The following FHIP1A variants were observed in gnomAD, a reference collection of about 807,000 sequenced individuals.
FHIP1A encodes FHF complex subunit HOOK interacting protein 1A.
Under a neutral mutation model 88.6 loss-of-function variants are expected in FHIP1A, and 61 were observed. The observed-to-expected ratio is 0.69, with a 90% CI of 0.56 to 0.85. FHIP1A has a LOEUF of 0.85. Ranked by LOEUF, FHIP1A falls within the 40% of genes least tolerant of loss-of-function variation. The pLI is 0.00. For synonymous variants in FHIP1A, 478 were observed against 496.0 expected, an observed-to-expected ratio of 0.96 and a Z score of 0.48; for missense variants, 1,154 against 1,273.5, an observed-to-expected ratio of 0.91 and a Z score of 1.43.
intron 3 of FHIP1A, among the ~76,000 whole-genome samples, chr4:151,509,626 C>G (rs953535253): frequency 6.6e-6 from 1 of 152,050 alleles, no homozygotes; most frequent in Non-Finnish European, 1.5e-5. Context: ...AAATAGTGGT[C>G]GGGGCAGGGA....
rs775680053 is a variant in FHIP1A at position 151,454,769 on chromosome 4, C to T, written c.-287C>T. 6.6e-6 allele frequency: 1 copy of T among 150,952 alleles called. No homozygotes were observed. The highest frequency in any genetic ancestry group is 1.5e-5 in the Non-Finnish European group (1 of 67,890). The allele number at this position is 150,952 out of a possible 1,614,324, so 9.4% of individuals were successfully genotyped here. A position where few individuals can be genotyped will look rare whatever the true frequency, so the allele number is the denominator to read the frequency against. ...ACTCAATGTTTGACTATGAATGTTTCGTTATAACTGCCTGGAAGGTTAGCG... is the reference window on the plus strand; with the variant it reads ...ACTCAATGTTTGACTATGAATGTTTTGTTATAACTGCCTGGAAGGTTAGCG... On this transcript the variant is annotated 5_prime_UTR_variant, in exon 2 of 14. Coordinates refer to ENST00000435205, the MANE Select transcript of FHIP1A (RefSeq NM_001109977.3).
At chr4:151,524,575 G>A (rs1731563538) in intron 3 of FHIP1A, among the ~76,000 whole-genome samples, 1 of 152,222 alleles carries the variant, frequency 6.6e-6, no homozygotes, top group South Asian at 2.1e-4. Flanking sequence ...TCAACTTAAA[G>A]TGGGAGTCTT....
chr4:151,434,504 A>G (rs1424554905), intron 1 of FHIP1A, among the ~76,000 whole-genome samples: 1 of 152,208 alleles, frequency 6.6e-6, no homozygotes, highest in Non-Finnish European at 1.5e-5. Context: ...AAATGATATA[A>G]CAGGGAGAGC....
intron 1 of FHIP1A, among the ~76,000 whole-genome samples, chr4:151,434,277 A>G (rs895618857): frequency 2.0e-5 from 3 of 152,194 alleles, no homozygotes; most frequent in African/African-American, 4.8e-5. Flanking sequence ...CTCATAAGCT[A>G]TCTCAAATTC....
At chr4:151,480,922 C>T (rs184921474) in intron 2 of FHIP1A, among the ~76,000 whole-genome samples, 2 of 152,036 alleles carry the variant, frequency 1.3e-5, no homozygotes, top group African/African-American at 4.8e-5. Flanking sequence ...GTTAAACACA[C>T]ATACACAACA....
chr4:151,555,999 A>G (rs932905602), intron 3 of FHIP1A, among the ~76,000 whole-genome samples: 3 of 152,132 alleles, frequency 2.0e-5, no homozygotes, highest in Admixed American at 1.3e-4. Flanking sequence ...ATAATAGAAA[A>G]GGTTGTGGCA....
chr4:151,548,515 A>G (rs1732594264), intron 3 of FHIP1A, among the ~76,000 whole-genome samples: 1 of 152,154 alleles, frequency 6.6e-6, no homozygotes, highest in Non-Finnish European at 1.5e-5. Flanking sequence ...GCTAAAACCC[A>G]CCAAAACCAA....
chr4:151,521,435 T>C (rs573884865), intron 3 of FHIP1A, among the ~76,000 whole-genome samples: 3 of 152,310 alleles, frequency 2.0e-5, no homozygotes, highest in South Asian at 2.1e-4. Flanking sequence ...ATATCTGTGA[T>C]GGAAGGACTA....
intron 1 of FHIP1A, among the ~76,000 whole-genome samples, chr4:151,434,059 A>G (rs1733705511): frequency 6.6e-6 from 1 of 152,222 alleles, no homozygotes; most frequent in Non-Finnish European, 1.5e-5. Flanking sequence ...GGAAAATTAT[A>G]TAACTAATCA....
chr4:151,569,850 T>C (rs1733530637), intron 4 of FHIP1A, among the ~76,000 whole-genome samples: 2 of 152,256 alleles, frequency 1.3e-5, no homozygotes, highest in South Asian at 2.1e-4. Context: ...AATGGCCCAG[T>C]GGTGCACTTG....
chr4:151,603,777 A>G (rs946860962), intron 7 of FHIP1A, among the ~76,000 whole-genome samples: 1 of 152,070 alleles, frequency 6.6e-6, no homozygotes, highest in African/African-American at 2.4e-5. Context: ...TTTTCTCTTA[A>G]TCTTCCCAAA....
At chr4:151,461,802 A>G (rs1729150614) in intron 2 of FHIP1A, among the ~76,000 whole-genome samples, 1 of 152,188 alleles carries the variant, frequency 6.6e-6, no homozygotes, top group South Asian at 2.1e-4. Flanking sequence ...GTAACCTAAC[A>G]GGCTCATTTC....
intron 3 of FHIP1A, among the ~76,000 whole-genome samples, chr4:151,517,074 T>A (rs1731267722): frequency 6.6e-6 from 1 of 152,116 alleles, no homozygotes; most frequent in Non-Finnish European, 1.5e-5. Flanking sequence ...AATGATAGAC[T>A]GGATTAAGAA....
rs1192395447 is a variant in FHIP1A, at chr4:151,663,725, A to T, written c.*971A>T. The T allele has an allele frequency of 6.6e-6, 1 of 152,174 alleles. No individual in the cohort carries two copies. The highest frequency in any genetic ancestry group is 1.5e-5 in the Non-Finnish European group (1 of 68,042). 9.4% of individuals were successfully genotyped at this position (152,174 alleles called of 1,614,324 possible). ...GCAGCCTGTAAAAACACTGATCATT[A>T]TTTAAAATTCTATTCCCTTTTGCTA... On this transcript the variant is annotated 3_prime_UTR_variant, in exon 14 of 14. Coordinates refer to ENST00000435205, the MANE Select transcript of FHIP1A (RefSeq NM_001109977.3).
intron 4 of FHIP1A, among the ~76,000 whole-genome samples, chr4:151,574,467 A>T (rs1733708527): frequency 6.6e-6 from 1 of 152,190 alleles, no homozygotes; most frequent in Admixed American, 6.5e-5. Context: ...ATTTATGGTT[A>T]TGTAAATAGA....
chr4:151,573,423 A>G (rs962622562), intron 4 of FHIP1A, among the ~76,000 whole-genome samples: 2 of 152,192 alleles, frequency 1.3e-5, no homozygotes, highest in African/African-American at 4.8e-5. Flanking sequence ...CGTGGGCTTT[A>G]TAAGGTGTTG....
chr4:151,659,537 C>T (rs964262907), intron 13 of FHIP1A, among the ~76,000 whole-genome samples: 6 of 152,224 alleles, frequency 3.9e-5, no homozygotes, highest in African/African-American at 1.2e-4. Context: ...GTATCTCTCT[C>T]CTCACTTCTG....
chr4:151,446,233 A>C (rs1176964639), intron 1 of FHIP1A, among the ~76,000 whole-genome samples: 1 of 151,978 alleles, frequency 6.6e-6, no homozygotes, highest in Non-Finnish European at 1.5e-5. Flanking sequence ...TTTAAAATCG[A>C]GATGTGATTT....
At chr4:151,532,633 T>C (rs1346810560) in intron 3 of FHIP1A, among the ~76,000 whole-genome samples, 1 of 152,106 alleles carries the variant, frequency 6.6e-6, no homozygotes, top group Non-Finnish European at 1.5e-5. Context: ...CTTTCTGGGA[T>C]GGCGGTGGAG....
Sources: allele counts gnomAD v4.1 joint callset (sites outside exome capture counted in the v4.1 genomes callset), GRCh38; gene constraint gnomAD v4.1.1; transcripts MANE v1.5; gene names NCBI Gene and HGNC (gene_info 2026-07-23, HGNC 2026-07-21).